AP4E1: variants seen among roughly 807,000 people sequenced by gnomAD.
The protein encoded by AP4E1 is adaptor related protein complex 4 subunit epsilon 1, also known as AP-4 complex subunit epsilon-1.
In AP4E1, 56 loss-of-function variants were observed where a neutral mutation model predicts 128.2. That is an observed-to-expected ratio of 0.44 (90% confidence interval 0.35 to 0.55). The LOEUF (loss-of-function observed/expected upper bound fraction) is 0.55, where lower values mean the gene tolerates loss of function less well. AP4E1 is among the 20% of genes least tolerant of loss of function. The pLI is 0.00. For synonymous variants in AP4E1, 484 were observed against 473.1 expected, an observed-to-expected ratio of 1.02 and a Z score of -0.30; for missense variants, 1,324 against 1,307.7, an observed-to-expected ratio of 1.01 and a Z score of -0.19.
At chr15:50,968,163 A>AT in intron 14 of AP4E1, 100 bp from the exon 15 acceptor site, 1 of 862,390 alleles carries the variant, frequency 1.2e-6, no homozygotes. Flanking sequence ...CTCATTTAGA[A>AT]TTTTAAAAAA....
At chr15:50,986,513 A>T (rs1431684725) in intron 16 of AP4E1, among the ~76,000 whole-genome samples, 3 of 152,302 alleles carry the variant, frequency 2.0e-5, no homozygotes, top group Admixed American at 6.5e-5. Context: ...AGTTTTTAGC[A>T]TGAAGCGCTG....
At position 50,960,814 on chromosome 15, in the gene AP4E1, A is replaced by T. The variant is rs2064302507; in HGVS notation, c.1851+2020A>T. Among the ~76,000 whole-genome samples, 4 of 152,004 alleles carry T rather than the reference A, an allele frequency of 2.6e-5. No individual in the cohort carries two copies. The South Asian group carries it at 8.3e-4, about 31-fold the overall frequency. ...AATAAACAAAATGGAGACGTAAAAA[A>T]GATACAAAAAAAAAAGAGACAAAAA... On this transcript the variant is annotated intron_variant, in intron 14 of 20. Coordinates refer to ENST00000261842, the MANE Select transcript of AP4E1 (RefSeq NM_007347.5).
At chr15:50,957,812 G>T (rs559311968) in intron 13 of AP4E1, among the ~76,000 whole-genome samples, 1 of 151,184 alleles carries the variant, frequency 6.6e-6, no homozygotes, top group Admixed American at 6.6e-5. Flanking sequence ...GAGTAGCTGA[G>T]ACTCTAGGCG....
rs1052881615 is a variant in AP4E1 at position 50,926,852 on chromosome 15, A to C, written c.542+1633A>C. 3.2e-4 allele frequency among the ~76,000 whole-genome samples: 49 copies of C among 152,156 alleles called. 1 individual carries two copies. The highest frequency in any genetic ancestry group is 1.1e-3 in the African/African-American group (46 of 41,434). On this transcript the variant is annotated intron_variant, in intron 5 of 20. Coordinates refer to ENST00000261842, the MANE Select transcript of AP4E1 (RefSeq NM_007347.5). ...TGATCCACCTGTCTTGGCCTCCCAA[A>C]GTGCTGGGCTTACAGGCGTGAGCCA...
At position 50,999,329 on chromosome 15, in the gene AP4E1, G is replaced by A. The variant is rs941105898; in HGVS notation, c.3095+67G>A. The A allele has an allele frequency of 1.3e-5, 18 of 1,367,624 alleles. No homozygotes were observed. In the African/African-American group the frequency reaches 2.3e-4, roughly 17 times the overall value. The allele number at this position is 1,367,624 out of a possible 1,614,324, so 84.7% of individuals were successfully genotyped here. A position where few individuals can be genotyped will look rare whatever the true frequency, so the allele number is the denominator to read the frequency against. On this transcript the variant is annotated intron_variant, in intron 19 of 20. Transcript: ENST00000261842. Reference sequence around the variant, plus strand: ...CAACTATTTTTTAGACCTCTTCTCTGGATGGAGGCACTATGTTGGGTGCTA... The same window carrying A: ...CAACTATTTTTTAGACCTCTTCTCTAGATGGAGGCACTATGTTGGGTGCTA...
intron 16 of AP4E1, among the ~76,000 whole-genome samples, chr15:50,987,962 TTA>T (rs200990623): frequency 6.6e-6 from 1 of 151,650 alleles, no homozygotes; most frequent in Admixed American, 6.6e-5. Context: ...TTGCTACATA[TTA>T]TATATATATA....
At chr15:50,947,370 T>C (rs1281608856) in intron 10 of AP4E1, among the ~76,000 whole-genome samples, 3 of 150,444 alleles carry the variant, frequency 2.0e-5, no homozygotes, top group Non-Finnish European at 4.4e-5. Context: ...GAGCTGAGAT[T>C]GTACCACTGC....
chr15:50,984,702 T>C (rs2064692852), intron 16 of AP4E1, among the ~76,000 whole-genome samples: 1 of 152,158 alleles, frequency 6.6e-6, no homozygotes, highest in African/African-American at 2.4e-5. Context: ...TAATCCAGTC[T>C]ATCATTGATG....
Position 50,930,969 on chromosome 15 carries a change from A to G in AP4E1, c.867A>G (p.Gln289=). Residue 289 remains glutamine, a splice_region_variant and synonymous_variant, in exon 7 of 21, where the codon CAA becomes CAG. Transcript: ENST00000261842. ...RILGLLGKDD[Q]RTSELMYDVL... ...TGGGACTTCTAGGAAAAGATGATCA[A>G]AGGTAAACTATTTTCAGTAAGTTTG... The G allele has an allele frequency of 6.2e-7, 1 of 1,614,116 alleles. No individual in the cohort carries two copies. The highest frequency in any genetic ancestry group is 8.5e-7 in the Non-Finnish European group (1 of 1,180,008).
Position 50,949,841 on chromosome 15 carries a change from T to G in AP4E1, c.1332T>G (p.Asn444Lys). 6.2e-7 allele frequency: 1 copy of G among 1,612,940 alleles called. No homozygotes were observed. The highest frequency in any genetic ancestry group is 8.5e-7 in the Non-Finnish European group (1 of 1,179,092). ...AELAEKYAPD[N>K]AWFIQTMNAV... ...CTGTGGACACATATGCTCCTGATAA[T>G]GCATGGTTTATTCAGACAATGAATG... is the stretch of plus-strand genomic sequence containing the variant. Residue 444 changes from asparagine to lysine, a missense_variant, in exon 12 of 21, where the codon AAT (asparagine) becomes AAG (lysine). Physicochemically the swap from Asn to Lys is moderately conservative, Grantham distance 94. Transcript: ENST00000261842.
At chr15:50,993,714 A>G (rs1484630712) in intron 17 of AP4E1, 89 bp downstream of exon 17, 10 of 1,525,548 alleles carry the variant, frequency 6.6e-6, no homozygotes, top group South Asian at 3.5e-5. Flanking sequence ...GCTGTCGTCT[A>G]TATGTATAGT....
intron 14 of AP4E1, among the ~76,000 whole-genome samples, chr15:50,962,889 C>CAAAAAAAAAAAAAAAAAAA (rs71127168): frequency 1.5e-4 from 6 of 38,718 alleles, no homozygotes; most frequent in African/African-American, 6.9e-4. Flanking sequence ...AATTCAACAG[C>CAAAAAAAAAAAAAAAAAAA]AAAAAAAAAA....
At position 50,916,018 on chromosome 15, in the gene AP4E1, C is replaced by G. The variant is rs551736690; in HGVS notation, c.346+447C>G. The G allele has an allele frequency of 7.1e-5, 12 of 168,898 alleles. 1 individual carries two copies. In the South Asian group the frequency reaches 1.7e-3, roughly 23 times the overall value. The allele number at this position is 168,898 out of a possible 1,614,324, so 10.5% of individuals were successfully genotyped here. On this transcript the variant is annotated intron_variant, in intron 3 of 20. Transcript: ENST00000261842. ...TCTCTGCTCACTGCAACCTCTGCCTCCAGGTTCAAGTGATCCTCCTATCTC... is the reference window on the plus strand; with the variant it reads ...TCTCTGCTCACTGCAACCTCTGCCTGCAGGTTCAAGTGATCCTCCTATCTC...
rs566703744 is a variant in AP4E1 at position 50,908,744 on chromosome 15, C to A, written c.-35C>A. On this transcript the variant is annotated 5_prime_UTR_variant, in exon 1 of 21. Coordinates refer to ENST00000261842, the MANE Select transcript of AP4E1 (RefSeq NM_007347.5). ...GCATGAAGCCGGGCGGCTACGGGAT[C>A]GCGGGCGGCGGCGGCATCGCGGGCG... 1.7e-5 allele frequency: 26 copies of A among 1,498,764 alleles called. No individual in the cohort carries two copies. The highest frequency in any genetic ancestry group is 2.3e-5 in the Non-Finnish European group (26 of 1,125,598). The allele number at this position is 1,498,764 out of a possible 1,614,324, so 92.8% of individuals were successfully genotyped here.
chr15:50,997,905 GT>G, intron 18 of AP4E1, 22 bp downstream of exon 18: 1 of 1,559,314 alleles, frequency 6.4e-7, no homozygotes, highest in South Asian at 1.1e-5. Context: ...AGGTATTATT[GT>G]TTTATTTTCA....
chr15:50,940,560 A>G (rs1287197025), intron 8 of AP4E1, among the ~76,000 whole-genome samples: 1 of 152,156 alleles, frequency 6.6e-6, no homozygotes, highest in Non-Finnish European at 1.5e-5. Flanking sequence ...AGGACACTTG[A>G]TATACTTCAA....
chr15:50,908,552 G>T (rs2063523332), upstream of AP4E1: 1 of 481,080 alleles, frequency 2.1e-6, no homozygotes, highest in East Asian at 3.8e-5. Flanking sequence ...GTCTACTTAC[G>T]CGCGCAATCT....
At chr15:50,953,180 A>G (rs1446331237) in intron 13 of AP4E1, among the ~76,000 whole-genome samples, 3 of 152,208 alleles carry the variant, frequency 2.0e-5, no homozygotes, top group Non-Finnish European at 4.4e-5. Context: ...TTCCTCAGCT[A>G]TCTTCAATGG....
intron 10 of AP4E1, among the ~76,000 whole-genome samples, chr15:50,946,693 TG>T (rs1296855793): frequency 6.6e-6 from 1 of 152,212 alleles, no homozygotes; most frequent in East Asian, 1.9e-4. Context: ...CAGCTAATAT[TG>T]CTGATCCTAA....
Sources: gnomAD v4.1 joint callset for allele counts (sites outside exome capture counted in the v4.1 genomes callset) on GRCh38, gnomAD v4.1.1 for gene constraint, MANE v1.5 for transcripts, NCBI Gene and HGNC (gene_info 2026-07-23, HGNC 2026-07-21) for gene names.